RAB40C: variants seen among roughly 807,000 people sequenced by gnomAD.
RAB40C encodes the protein ras-related protein Rab-40C.
RAB40C carries 8 observed loss-of-function variants against 28.1 expected under a neutral mutation model. The observed-to-expected ratio is 0.28, with a 90% CI of 0.17 to 0.51. RAB40C has a LOEUF of 0.51. RAB40C is among the 20% of genes least tolerant of loss of function. The pLI, the probability that RAB40C is intolerant of heterozygous loss-of-function variation, is 0.97. For synonymous variants in RAB40C, 201 were observed against 171.7 expected (o/e 1.17, Z -1.34); for missense variants, 288 against 405.9 (o/e 0.71, Z 2.50).
At chr16:617,989 G>A (rs1273770896) in intron 2 of RAB40C, among the ~76,000 whole-genome samples, 2 of 152,178 alleles carry the variant, frequency 1.3e-5, no homozygotes, top group Admixed American at 1.3e-4. Context: ...CCAGGTGGGC[G>A]GGGGCCCCTT....
chr16:607,153 G>A (rs1040689767), intron 1 of RAB40C, among the ~76,000 whole-genome samples: 4 of 152,188 alleles, frequency 2.6e-5, no homozygotes, highest in African/African-American at 9.6e-5. Context: ...ATGGGCAGGG[G>A]CACAGGTGCC....
Position 626,087 on chromosome 16 carries a change from G to A in RAB40C, c.531G>A (p.Arg177=). 1 of 1,613,188 alleles carries A rather than the reference G, an allele frequency of 6.2e-7. No individual in the cohort carries two copies. The change falls in exon 5 of 6, where the codon CGG becomes CGA. Residue 177 remains arginine, a synonymous_variant. Transcript: ENST00000248139. ...AGCTATCCCGCATCGTGCTCATGCG[G>A]CACGGCATGGAGAAGATCTGGAGGC... ...FTELSRIVLM[R]HGMEKIWRPN... is the part of the protein sequence containing the mutation.
intron 3 of RAB40C, among the ~76,000 whole-genome samples, chr16:623,503 A>G (rs2036765204): frequency 6.6e-6 from 1 of 151,960 alleles, no homozygotes; most frequent in South Asian, 2.1e-4. Context: ...AATACAAAAA[A>G]ATTAGCCGGG....
At chr16:618,347 C>A in intron 3 of RAB40C, 87 bp downstream of exon 3, 1 of 1,313,960 alleles carries the variant, frequency 7.6e-7, no homozygotes, top group South Asian at 1.4e-5. Flanking sequence ...CTGTCAAACT[C>A]CCAAGGACTT....
At chr16:607,281 G>C (rs1290034767) in intron 1 of RAB40C, among the ~76,000 whole-genome samples, 1 of 152,088 alleles carries the variant, frequency 6.6e-6, no homozygotes, top group Non-Finnish European at 1.5e-5. Flanking sequence ...TGGATAACCT[G>C]AGGTCAGGAG....
intron 3 of RAB40C, among the ~76,000 whole-genome samples, chr16:620,261 C>T (rs1197493968): frequency 6.6e-6 from 1 of 152,132 alleles, no homozygotes; most frequent in East Asian, 1.9e-4. Context: ...AGCATGGTGG[C>T]GGGCGCTTAT....
At chr16:601,777 T>G (rs1248900201) in intron 1 of RAB40C, among the ~76,000 whole-genome samples, 1 of 122,180 alleles carries the variant, frequency 8.2e-6, no homozygotes, top group East Asian at 2.4e-4. Context: ...GGGTTCAGAC[T>G]AGGCAACGTA....
At chr16:624,001 CT>C in intron 3 of RAB40C, 1 of 985,462 alleles carries the variant, frequency 1.0e-6, no homozygotes, top group Non-Finnish European at 1.2e-6. Flanking sequence ...GGTTGCACAT[CT>C]CTCCTTGGCC....
At chr16:612,416 CA>C (rs67519670) in intron 1 of RAB40C, among the ~76,000 whole-genome samples, 6 of 2,436 alleles carry the variant, frequency 2.5e-3, no homozygotes, top group Non-Finnish European at 2.0e-3. Flanking sequence ...GAATCAAGAG[CA>C]AGGGACAGCC....
chr16:620,941 GA>G (rs575545651), intron 3 of RAB40C, among the ~76,000 whole-genome samples: 1,588 of 152,284 alleles, frequency 0.01, 13 homozygotes, highest in Non-Finnish European at 0.016. Context: ...AACTAAAAAA[GA>G]AAAAAGCAGT....
intron 1 of RAB40C, among the ~76,000 whole-genome samples, chr16:604,676 A>G (rs1000730937): frequency 1.3e-5 from 2 of 152,196 alleles, no homozygotes; most frequent in African/African-American, 2.4e-5. Flanking sequence ...TAAGAGTGGA[A>G]TTGCTGTCAT....
intron 1 of RAB40C, among the ~76,000 whole-genome samples, chr16:613,300 A>C (rs1487277951): frequency 2.6e-5 from 4 of 151,180 alleles, no homozygotes; most frequent in South Asian, 2.1e-4. Flanking sequence ...TTGCTTGTAG[A>C]ATCAAGAGCA....
chr16:593,675 C>T (rs1165637754), intron 1 of RAB40C, among the ~76,000 whole-genome samples: 1 of 152,228 alleles, frequency 6.6e-6, no homozygotes, highest in East Asian at 1.9e-4. Context: ...TTTCTTAGTA[C>T]TGGCACCTGA....
Position 622,243 on chromosome 16 carries a change from C to T in RAB40C, c.265-3189C>T, listed in dbSNP as rs116986963. Among the ~76,000 whole-genome samples, 83 of 151,104 alleles carry T rather than the reference C, an allele frequency of 5.5e-4. 5 individuals are homozygous for T. The South Asian group carries it at 0.01, about 18-fold the overall frequency. ...CGAGTTGATCAAAAAAAGGTGTAAA[C>T]GTGCTCAGATGCATATTGCCACCGT... is the stretch of plus-strand genomic sequence containing the variant. On this transcript the variant is annotated intron_variant, in intron 3 of 5. Coordinates refer to ENST00000248139, the MANE Select transcript of RAB40C (RefSeq NM_021168.5).
Position 601,815 on chromosome 16 carries a change from TAAAAAAAAAA to T in RAB40C, c.142+11403_142+11412del, listed in dbSNP as rs60094426. Among the ~76,000 whole-genome samples the T allele has an allele frequency of 3.4e-3, 92 of 27,198 alleles. 1 individual carries two copies. Among genetic ancestry groups the T allele is most frequent in the Non-Finnish European group, 5.5e-3 (77 of 14,016 alleles). The allele number at this position is 27,198 out of a possible 152,430, so 17.8% of individuals were successfully genotyped here. Reference sequence around the variant, plus strand: ...AAGGCCCTATCCCTGCAAAAAAAAGTAAAAAAAAAAAAAAAAAAAAAAAAAAAAAAGGCCG... The same window carrying T: ...AAGGCCCTATCCCTGCAAAAAAAAGTAAAAAAAAAAAAAAAAAAAAGGCCG... On this transcript the variant is annotated intron_variant, in intron 1 of 5. Transcript: ENST00000248139.
chr16:625,341 G>A (rs912475997), intron 3 of RAB40C, 91 bp from the exon 4 acceptor site: 131 of 1,546,432 alleles, frequency 8.5e-5, no homozygotes, highest in Non-Finnish European at 1.1e-4. Context: ...GGCCCTGCCC[G>A]GGAACTGAGG....
At chr16:608,270 C>G (rs1469158893) in intron 1 of RAB40C, among the ~76,000 whole-genome samples, 4 of 152,160 alleles carry the variant, frequency 2.6e-5, no homozygotes, top group Non-Finnish European at 4.4e-5. Flanking sequence ...CTCACTCACC[C>G]GCACAAAAAC....
At chr16:625,617 C>G (rs28483242) in intron 4 of RAB40C, 108 bp downstream of exon 4, 1 of 1,175,282 alleles carries the variant, frequency 8.5e-7, no homozygotes, top group Non-Finnish European at 1.2e-6. Context: ...GTGGCCCCGG[C>G]TCTGCACCCT....
intron 1 of RAB40C, among the ~76,000 whole-genome samples, chr16:598,162 G>A (rs997172733): frequency 2.6e-5 from 4 of 151,932 alleles, no homozygotes; most frequent in East Asian, 1.9e-4. Flanking sequence ...GGTGGATCAC[G>A]AGGTCAGGAG....
Sources: allele counts gnomAD v4.1 joint callset (sites outside exome capture counted in the v4.1 genomes callset), GRCh38; gene constraint gnomAD v4.1.1; transcripts MANE v1.5; gene names NCBI Gene and HGNC (gene_info 2026-07-23, HGNC 2026-07-21).